SH3RF2: variants seen among roughly 807,000 people sequenced by gnomAD.
The protein encoded by SH3RF2 is SH3 domain containing ring finger 2, also known as E3 ubiquitin-protein ligase SH3RF2.
In SH3RF2, 43 loss-of-function variants were observed where a neutral mutation model predicts 59.0. The ratio of observed to expected loss-of-function variants is 0.73; its 90% CI spans 0.57 to 0.94. The LOEUF is 0.94. Ranked by LOEUF, SH3RF2 falls within the 40% of genes least tolerant of loss-of-function variation. SH3RF2 has a pLI of 0.00. For synonymous variants in SH3RF2, 391 were observed against 391.5 expected (o/e 1.00, Z 0.01); for missense variants, 930 against 940.1 (o/e 0.99, Z 0.14).
chr5:146,032,316 A>C (rs1453332591), intron 5 of SH3RF2, among the ~76,000 whole-genome samples: 1 of 152,152 alleles, frequency 6.6e-6, no homozygotes. Context: ...TGGTGGACTT[A>C]GGTCTGACTC....
chr5:146,022,327 C>T (rs1468866446), intron 5 of SH3RF2, among the ~76,000 whole-genome samples: 1 of 152,162 alleles, frequency 6.6e-6, no homozygotes, highest in Non-Finnish European at 1.5e-5. Flanking sequence ...CCTGCCTCAG[C>T]CTCCCGAGTA....
intron 8 of SH3RF2, among the ~76,000 whole-genome samples, chr5:146,058,319 T>C (rs1762756498): frequency 6.6e-6 from 1 of 152,152 alleles, no homozygotes; most frequent in South Asian, 2.1e-4. Context: ...TTTCTCTCTT[T>C]TCCCAAGGTG....
At chr5:145,953,584 G>A (rs1304591225) in intron 2 of SH3RF2, among the ~76,000 whole-genome samples, 1 of 152,158 alleles carries the variant, frequency 6.6e-6, no homozygotes, top group Admixed American at 6.5e-5. Flanking sequence ...AGGTTCAGGG[G>A]TACATGTGAA....
intron 9 of SH3RF2, among the ~76,000 whole-genome samples, chr5:146,074,110 G>A (rs978837430): frequency 6.7e-6 from 1 of 148,292 alleles, no homozygotes; most frequent in Non-Finnish European, 1.5e-5. Context: ...CGCGATCTTG[G>A]CTCACTGCAA....
At chr5:146,040,250 G>A (rs909756694) in intron 5 of SH3RF2, among the ~76,000 whole-genome samples, 1 of 152,118 alleles carries the variant, frequency 6.6e-6, no homozygotes, top group Non-Finnish European at 1.5e-5. Context: ...TCTGTTTTAC[G>A]GGTGGTATGT....
intron 9 of SH3RF2, among the ~76,000 whole-genome samples, chr5:146,073,435 TG>T (rs1763276705): frequency 6.6e-6 from 1 of 152,234 alleles, no homozygotes; most frequent in South Asian, 2.1e-4. Context: ...TGCTTCCAGC[TG>T]GCTGGTGATT....
chr5:146,048,947 G>A (rs1462219633), intron 6 of SH3RF2, 128 bp from the exon 7 acceptor site: 6 of 1,081,608 alleles, frequency 5.5e-6, no homozygotes, highest in Non-Finnish European at 5.3e-6. Flanking sequence ...GAGAACCACC[G>A]CACCCGCTCG....
At chr5:146,042,686 G>A (rs961034830) in intron 5 of SH3RF2, among the ~76,000 whole-genome samples, 6 of 152,202 alleles carry the variant, frequency 3.9e-5, no homozygotes, top group African/African-American at 1.4e-4. Flanking sequence ...CTCTGTGCCA[G>A]GAGGCTTCAT....
chr5:146,075,051 TAGAC>T (rs1763316001), intron 9 of SH3RF2, among the ~76,000 whole-genome samples: 1 of 152,244 alleles, frequency 6.6e-6, no homozygotes, highest in Admixed American at 6.5e-5. Flanking sequence ...TATCCTTTGA[TAGAC>T]AGGAATGTAA....
At chr5:146,025,811 C>G (rs1199561620) in intron 5 of SH3RF2, among the ~76,000 whole-genome samples, 1 of 152,188 alleles carries the variant, frequency 6.6e-6, no homozygotes, top group African/African-American at 2.4e-5. Flanking sequence ...AGCTTCTTGT[C>G]ATGGCTTTGC....
intron 5 of SH3RF2, among the ~76,000 whole-genome samples, chr5:146,029,786 TAAGAA>T (rs897364339): frequency 7.2e-5 from 11 of 152,116 alleles, no homozygotes; most frequent in East Asian, 5.8e-4. Flanking sequence ...GACAGTGTGT[TAAGAA>T]AAGAAAACAA....
chr5:146,001,148 C>G (rs1760392171), intron 3 of SH3RF2, among the ~76,000 whole-genome samples: 1 of 152,264 alleles, frequency 6.6e-6, no homozygotes, highest in Admixed American at 6.5e-5. Flanking sequence ...AGATGATTCC[C>G]CACCATTTGC....
intron 2 of SH3RF2, among the ~76,000 whole-genome samples, chr5:145,985,691 T>C (rs909700713): frequency 1.3e-5 from 2 of 152,226 alleles, no homozygotes; most frequent in Non-Finnish European, 2.9e-5. Context: ...ATTTTAAAGA[T>C]ACTTCTGGAG....
chr5:146,059,622 A>T (rs1218837929), intron 8 of SH3RF2, among the ~76,000 whole-genome samples: 2 of 150,880 alleles, frequency 1.3e-5, no homozygotes, highest in African/African-American at 4.9e-5. Context: ...GCCCCCCTAC[A>T]CACATACACA....
At chr5:146,072,279 T>A (rs1017058714) in intron 9 of SH3RF2, among the ~76,000 whole-genome samples, 17 of 152,144 alleles carry the variant, frequency 1.1e-4, no homozygotes, top group African/African-American at 4.1e-4. Flanking sequence ...GGCCAGATGT[T>A]GGTATGCAGA....
chr5:146,062,652 C>T lies in SH3RF2; in HGVS notation c.2141C>T (p.Thr714Ile). Reference protein sequence around the residue: ...RRKSALGKATTLVSTASGTQT... With the variant: ...RRKSALGKATILVSTASGTQT... The stretch of plus-strand genomic sequence containing the variant: ...AAGTCAGCTCTTGGCAAGGCCACAA[C>T]CCTGGTGTCCACTGCCTCAGGCACG... Residue 714 changes from threonine to isoleucine, a missense_variant, in exon 10 of 10, where the codon ACC (threonine) becomes ATC (isoleucine). Physicochemically the swap from Thr to Ile is moderately conservative, Grantham distance 89 (BLOSUM62 -1). Coordinates refer to ENST00000359120, the MANE Select transcript of SH3RF2 (RefSeq NM_152550.4). The T allele has an allele frequency of 6.2e-7, 1 of 1,614,198 alleles. No individual in the cohort carries two copies. The highest frequency in any genetic ancestry group is 8.5e-7 in the Non-Finnish European group (1 of 1,180,024).
intron 5 of SH3RF2, among the ~76,000 whole-genome samples, chr5:146,029,534 TTGGG>T (rs1761666610): frequency 6.6e-6 from 1 of 152,182 alleles, no homozygotes. Context: ...TATCATTCTA[TTGGG>T]CACTCCCTGG....
At chr5:145,989,911 A>G (rs1398548209) in intron 2 of SH3RF2, among the ~76,000 whole-genome samples, 1 of 151,928 alleles carries the variant, frequency 6.6e-6, no homozygotes, top group Non-Finnish European at 1.5e-5. Context: ...TTGGAAATAA[A>G]CTCAGGGCTC....
At chr5:145,965,752 C>A (rs1033060712) in intron 2 of SH3RF2, among the ~76,000 whole-genome samples, 2 of 152,160 alleles carry the variant, frequency 1.3e-5, no homozygotes, top group African/African-American at 2.4e-5. Flanking sequence ...GTGCAGAAAA[C>A]TGTAGGCACT....
Sources: allele counts gnomAD v4.1 joint callset (sites outside exome capture counted in the v4.1 genomes callset), GRCh38; gene constraint gnomAD v4.1.1; transcripts MANE v1.5; gene names NCBI Gene and HGNC (gene_info 2026-07-23, HGNC 2026-07-21).